Variants in TOX observed in about 807,000 individuals in gnomAD.
TOX encodes thymocyte selection associated high mobility group box.
TOX carries 11 observed loss-of-function variants against 53.7 expected under a neutral mutation model. The observed-to-expected ratio is 0.20, with a 90% CI of 0.13 to 0.34. TOX has a LOEUF of 0.34. TOX is among the 10% of genes least tolerant of loss of function. The pLI is 1.00. For synonymous variants in TOX, 225 were observed against 245.3 expected (o/e 0.92, Z 0.77); for missense variants, 570 against 664.6 (o/e 0.86, Z 1.56).
intron 3 of TOX, among the ~76,000 whole-genome samples, chr8:58,924,642 TCTA>T (rs1812124322): frequency 6.6e-6 from 1 of 152,218 alleles, no homozygotes. Flanking sequence ...TAGGGGAGAA[TCTA>T]CTATTTTATG....
At chr8:58,986,384 G>A (rs887315974) in intron 1 of TOX, among the ~76,000 whole-genome samples, 1 of 152,166 alleles carries the variant, frequency 6.6e-6, no homozygotes, top group Non-Finnish European at 1.5e-5. Flanking sequence ...CTGAAGCCAC[G>A]GAAAAGCAAG....
At chr8:58,958,577 T>G (rs915382002) in intron 2 of TOX, among the ~76,000 whole-genome samples, 3 of 152,240 alleles carry the variant, frequency 2.0e-5, no homozygotes, top group Non-Finnish European at 4.4e-5. Context: ...CATTTTTCAT[T>G]TTTTAATCAA....
intron 1 of TOX, among the ~76,000 whole-genome samples, chr8:59,004,601 T>G (rs1194758006): frequency 6.6e-6 from 1 of 152,230 alleles, no homozygotes; most frequent in Non-Finnish European, 1.5e-5. Flanking sequence ...GAACATAGCC[T>G]TTGTGTAGGA....
chr8:58,964,122 A>G (rs1412145694), intron 1 of TOX, among the ~76,000 whole-genome samples: 1 of 152,212 alleles, frequency 6.6e-6, no homozygotes, highest in South Asian at 2.1e-4. Context: ...AAGAAAGTAC[A>G]GAAATGGCCA....
intron 1 of TOX, among the ~76,000 whole-genome samples, chr8:58,987,876 G>A (rs1276114284): frequency 6.6e-6 from 1 of 152,148 alleles, no homozygotes; most frequent in Non-Finnish European, 1.5e-5. Context: ...CACTCCCAAG[G>A]GTTGGTGGGG....
intron 3 of TOX, among the ~76,000 whole-genome samples, chr8:58,896,426 C>T (rs1296691838): frequency 6.6e-6 from 1 of 152,044 alleles, no homozygotes; most frequent in African/African-American, 2.4e-5. Context: ...GCCTGTAATC[C>T]CAGCACTTTG....
intron 5 of TOX, among the ~76,000 whole-genome samples, chr8:58,831,034 C>T (rs553548087): frequency 3.3e-5 from 5 of 152,224 alleles, no homozygotes; most frequent in Admixed American, 6.5e-5. Flanking sequence ...TTGTATAACT[C>T]GCTCAGCATT....
Position 58,805,764 on chromosome 8 carries a change from T to C in TOX, c.*1983A>G, listed in dbSNP as rs982815478. On this transcript the variant is annotated 3_prime_UTR_variant, in exon 9 of 9. Transcript: ENST00000361421. ...GTGAACTTAATCACATGAGTTCTTA[T>C]ACAGTTTCAAGACAGGAAAATTAGA... The C allele has an allele frequency of 5.2e-5, 8 of 152,640 alleles. No homozygotes were observed. The highest frequency in any genetic ancestry group is 1.7e-4 in the African/African-American group (7 of 41,452). 9.5% of individuals were successfully genotyped at this position (152,640 alleles called of 1,614,324 possible).
At chr8:58,912,021 C>T (rs545566550) in intron 3 of TOX, among the ~76,000 whole-genome samples, 1 of 152,322 alleles carries the variant, frequency 6.6e-6, no homozygotes, top group Non-Finnish European at 1.5e-5. Context: ...TTCAATGCAG[C>T]TCCCCCGGCT....
rs542204480 is a variant in TOX at position 59,107,204 on chromosome 8, T to C, written c.102+11682A>G. Among the ~76,000 whole-genome samples, 9 of 152,286 alleles carry C rather than the reference T, an allele frequency of 5.9e-5. No individual in the cohort carries two copies. In the East Asian group the frequency reaches 1.4e-3, roughly 23 times the overall value. ...GACTTTTTTAATCATGAAAAGAATA[T>C]GTAGCATGTTAGAAATATTGCATGC... On this transcript the variant is annotated intron_variant, in intron 1 of 8. Transcript: ENST00000361421.
At chr8:58,910,751 G>A (rs1159401750) in intron 3 of TOX, among the ~76,000 whole-genome samples, 1 of 152,102 alleles carries the variant, frequency 6.6e-6, no homozygotes, top group Admixed American at 6.6e-5. Context: ...AGAAATAGGC[G>A]CAAAGAAATA....
chr8:58,914,965 C>A (rs1811982104), intron 3 of TOX, among the ~76,000 whole-genome samples: 1 of 151,992 alleles, frequency 6.6e-6, no homozygotes. Flanking sequence ...AATTGGGTCA[C>A]TCCCACCCGA....
At chr8:59,005,969 G>T (rs191497557) in intron 1 of TOX, among the ~76,000 whole-genome samples, 3 of 152,170 alleles carry the variant, frequency 2.0e-5, no homozygotes, top group African/African-American at 7.2e-5. Flanking sequence ...ATCATTTTAC[G>T]CACGGCCCTT....
intron 1 of TOX, among the ~76,000 whole-genome samples, chr8:59,049,161 A>T (rs1803743556): frequency 6.6e-6 from 1 of 151,770 alleles, no homozygotes; most frequent in Admixed American, 6.6e-5. Context: ...AAAACATCTG[A>T]ACTATATTTA....
At chr8:58,843,113 A>G (rs910948587) in intron 4 of TOX, among the ~76,000 whole-genome samples, 3 of 152,234 alleles carry the variant, frequency 2.0e-5, no homozygotes, top group African/African-American at 7.2e-5. Context: ...CAGTCTTATA[A>G]GATTATATCA....
At chr8:59,105,568 G>T (rs868821174) in intron 1 of TOX, among the ~76,000 whole-genome samples, 2 of 152,022 alleles carry the variant, frequency 1.3e-5, no homozygotes, top group South Asian at 4.1e-4. Context: ...AGGCTGGATC[G>T]TCAGCCTGCA....
rs368913359 is a variant in TOX, at chr8:58,884,924, G to GTGA, written c.412-33122_412-33120dup. Among the ~76,000 whole-genome samples, 329 of 152,222 alleles carry GTGA rather than the reference G, an allele frequency of 2.2e-3. 1 individual carries two copies. The highest frequency in any genetic ancestry group is 3.7e-3 in the Non-Finnish European group (251 of 67,992). On this transcript the variant is annotated intron_variant, in intron 3 of 8. Transcript: ENST00000361421. ...CATTCTGAGCTAACACTGGAATGAA[G>GTGA]TGATTCAAAGCTGAACATGGGTTGA...
chr8:58,949,633 CAATT>C lies in TOX; in HGVS notation c.169-10093_169-10090del, dbSNP rs1482805043. On this transcript the variant is annotated intron_variant, in intron 2 of 8. Transcript: ENST00000361421. ...TTAAATAGATATTTTTTACTGTTAA[CAATT>C]GATTGCAATTTATTAGGTTTTAATA... 6.6e-5 allele frequency among the ~76,000 whole-genome samples: 10 copies of C among 152,194 alleles called. 1 individual carries two copies. In the East Asian group the frequency reaches 1.5e-3, roughly 23 times the overall value.
intron 3 of TOX, among the ~76,000 whole-genome samples, chr8:58,930,700 G>T (rs1812242152): frequency 6.6e-6 from 1 of 152,178 alleles, no homozygotes; most frequent in South Asian, 2.1e-4. Flanking sequence ...TGCCTGGACA[G>T]ATCCTCCAGG....
Sources: gnomAD v4.1 joint callset for allele counts (sites outside exome capture counted in the v4.1 genomes callset) on GRCh38, gnomAD v4.1.1 for gene constraint, MANE v1.5 for transcripts, NCBI Gene and HGNC (gene_info 2026-07-23, HGNC 2026-07-21) for gene names.